The following CEP85L variants were observed in gnomAD, a reference collection of about 807,000 sequenced individuals.
CEP85L encodes centrosomal protein of 85 kDa-like.
In CEP85L, 60 loss-of-function variants were observed where a neutral mutation model predicts 100.3. That is an observed-to-expected ratio of 0.60 (90% CI 0.49 to 0.74). The LOEUF is 0.74. Ranked by LOEUF, CEP85L falls within the 30% of genes least tolerant of loss-of-function variation. The probability of loss-of-function intolerance (pLI) is 0.00; values close to 1 mark genes in which losing one functional copy is unlikely to be tolerated. For missense variants in CEP85L, 973 were observed against 936.2 expected, an observed-to-expected ratio of 1.04 and a Z score of -0.51; for synonymous variants, 319 against 322.7, an observed-to-expected ratio of 0.99 and a Z score of 0.12.
chr6:118,624,722 C>T (rs894161733), intron 2 of CEP85L, among the ~76,000 whole-genome samples: 3 of 152,224 alleles, frequency 2.0e-5, no homozygotes, highest in African/African-American at 7.2e-5. Flanking sequence ...CCAACTGTCC[C>T]GATGCCCTAG....
At chr6:118,545,223 A>G (rs1175948355) in intron 3 of CEP85L, among the ~76,000 whole-genome samples, 1 of 152,196 alleles carries the variant, frequency 6.6e-6, no homozygotes, top group Admixed American at 6.5e-5. Context: ...CCCTCCGGAT[A>G]CACCACTACA....
intron 4 of CEP85L, among the ~76,000 whole-genome samples, chr6:118,519,576 GT>G (rs1309545352): frequency 7.3e-5 from 1 of 13,776 alleles, no homozygotes; most frequent in Non-Finnish European, 2.5e-4. Context: ...GTGTGTGTGT[GT>G]GTGTGGCGGG....
At chr6:118,683,043 G>A (rs533543380) in intron 1 of CEP85L, among the ~76,000 whole-genome samples, 6 of 152,310 alleles carry the variant, frequency 3.9e-5, no homozygotes, top group African/African-American at 1.4e-4. Context: ...AACAATGAAA[G>A]AAGTTGAAAC....
At chr6:118,601,400 C>G (rs964563804) in intron 2 of CEP85L, among the ~76,000 whole-genome samples, 6 of 152,218 alleles carry the variant, frequency 3.9e-5, no homozygotes, top group African/African-American at 1.4e-4. Flanking sequence ...ACCTCATTGT[C>G]TAAACTGTCG....
At chr6:118,647,604 C>A (rs1775286781) in intron 1 of CEP85L, among the ~76,000 whole-genome samples, 2 of 152,142 alleles carry the variant, frequency 1.3e-5, no homozygotes, top group South Asian at 4.1e-4. Flanking sequence ...TCAAGTGATC[C>A]GCCCACCTCG....
upstream of CEP85L, among the ~76,000 whole-genome samples, chr6:118,653,352 T>C (rs1775661161): frequency 6.6e-6 from 1 of 152,210 alleles, no homozygotes. Context: ...CTTGGGAGGA[T>C]AGAGGGCTAA....
chr6:118,522,074 T>C (rs994959155), intron 4 of CEP85L, among the ~76,000 whole-genome samples: 5 of 152,098 alleles, frequency 3.3e-5, no homozygotes, highest in African/African-American at 1.2e-4. Context: ...AAAGTATTAA[T>C]TTCAGGCCGG....
intron 1 of CEP85L, among the ~76,000 whole-genome samples, chr6:118,665,957 G>A (rs1050727001): frequency 1.3e-5 from 2 of 152,028 alleles, no homozygotes; most frequent in South Asian, 2.1e-4. Flanking sequence ...AATACTTGGC[G>A]CATCACCCCA....
At chr6:118,517,850 C>G (rs1401667481) in intron 4 of CEP85L, among the ~76,000 whole-genome samples, 1 of 152,182 alleles carries the variant, frequency 6.6e-6, no homozygotes, top group Non-Finnish European at 1.5e-5. Context: ...TTTGCCCATT[C>G]ATTATGATAT....
intron 1 of CEP85L, among the ~76,000 whole-genome samples, chr6:118,695,990 G>A (rs1426559771): frequency 1.3e-5 from 2 of 152,152 alleles, no homozygotes; most frequent in Non-Finnish European, 2.9e-5. Flanking sequence ...ATGTTAGGAG[G>A]CGGGGCATGG....
At chr6:118,650,684 C>T (rs1775493553) in intron 1 of CEP85L, among the ~76,000 whole-genome samples, 1 of 152,204 alleles carries the variant, frequency 6.6e-6, no homozygotes, top group Admixed American at 6.5e-5. Flanking sequence ...CGAAAACGCG[C>T]CCTAAAAGTA....
At chr6:118,558,660 CAGAGAGAGAGAGAG>C (rs369698272) in intron 3 of CEP85L, among the ~76,000 whole-genome samples, 2 of 122,308 alleles carry the variant, frequency 1.6e-5, no homozygotes, top group Non-Finnish European at 3.4e-5. Context: ...CACACACACA[CAGAGAGAGAGAGAG>C]AGAGAGAGAG....
At chr6:118,666,402 A>C (rs1054565880) in intron 1 of CEP85L, among the ~76,000 whole-genome samples, 1 of 152,234 alleles carries the variant, frequency 6.6e-6, no homozygotes, top group Non-Finnish European at 1.5e-5. Flanking sequence ...AAAGGGTCAG[A>C]GCCTGAATTA....
chr6:118,691,811 G>A (rs1175254062), intron 1 of CEP85L, among the ~76,000 whole-genome samples: 15 of 151,380 alleles, frequency 9.9e-5, no homozygotes, highest in Admixed American at 3.9e-4. Context: ...AAGCAAACAA[G>A]ATCTGTCTTT....
chr6:118,596,891 T>C lies in CEP85L; in HGVS notation c.233-30575A>G, dbSNP rs180969716. On this transcript the variant is annotated intron_variant, in intron 2 of 12. Coordinates refer to ENST00000368491, the MANE Select transcript of CEP85L (RefSeq NM_001042475.3). ...TATTTGCCCTTTGATATGGTTTGGC[T>C]GTGTCCCCACCCAAATCTCATCTTG... Among the ~76,000 whole-genome samples, 105 of 152,316 alleles carry C rather than the reference T, an allele frequency of 6.9e-4. 1 individual carries two copies. The East Asian group carries it at 0.019, about 27-fold the overall frequency.
intron 3 of CEP85L, chr6:118,558,761 A>G (rs1779052303): frequency 1.5e-6 from 1 of 663,786 alleles, no homozygotes; most frequent in Non-Finnish European, 2.7e-6. Context: ...GTAAAATTGT[A>G]TTTTTTGTTC....
chr6:118,538,273 G>A, intron 3 of CEP85L, among the ~76,000 whole-genome samples: 1 of 151,778 alleles, frequency 6.6e-6, no homozygotes, highest in East Asian at 1.9e-4. Flanking sequence ...TCTTCAATGT[G>A]TTTTTGTTAC....
At chr6:118,670,513 T>C (rs1174564991) in intron 1 of CEP85L, among the ~76,000 whole-genome samples, 1 of 152,040 alleles carries the variant, frequency 6.6e-6, no homozygotes, top group African/African-American at 2.4e-5. Flanking sequence ...AGTGAGAACA[T>C]GTGGTATTTG....
intron 1 of CEP85L, among the ~76,000 whole-genome samples, chr6:118,639,135 C>T (rs766953375): frequency 5.3e-5 from 8 of 152,186 alleles, no homozygotes; most frequent in African/African-American, 1.2e-4. Flanking sequence ...GAAACCAACA[C>T]TTTCAAATAA....
Sources: gnomAD v4.1 joint callset for allele counts (sites outside exome capture counted in the v4.1 genomes callset) on GRCh38, gnomAD v4.1.1 for gene constraint, MANE v1.5 for transcripts, NCBI Gene and HGNC (gene_info 2026-07-23, HGNC 2026-07-21) for gene names.